The following NKAIN3 variants were observed in gnomAD, a reference collection of about 807,000 sequenced individuals.
NKAIN3 encodes the protein sodium/potassium transporting ATPase interacting 3, also known as sodium/potassium-transporting ATPase subunit beta-1-interacting protein 3.
NKAIN3 carries 25 observed loss-of-function variants against 30.2 expected under a neutral mutation model. The ratio of observed to expected loss-of-function variants is 0.83; its 90% CI spans 0.60 to 1.16. The LOEUF (loss-of-function observed/expected upper bound fraction) is 1.16, where lower values mean the gene tolerates loss of function less well. Among genes scored for constraint, NKAIN3 ranks in the 50% most tolerant of loss-of-function variants. The probability of loss-of-function intolerance (pLI) is 0.00; values close to 1 mark genes in which losing one functional copy is unlikely to be tolerated. For missense variants in NKAIN3, 225 were observed against 254.1 expected, an observed-to-expected ratio of 0.89 and a Z score of 0.78; for synonymous variants, 91 against 89.6, an observed-to-expected ratio of 1.02 and a Z score of -0.09.
At chr8:62,406,915 T>C (rs981313180) in intron 1 of NKAIN3, among the ~76,000 whole-genome samples, 1 of 152,228 alleles carries the variant, frequency 6.6e-6, no homozygotes, top group Non-Finnish European at 1.5e-5. Flanking sequence ...TTTCAAGCAA[T>C]GTTTCAATTT....
At chr8:62,947,004 T>C (rs1051807150) in intron 5 of NKAIN3, among the ~76,000 whole-genome samples, 1 of 152,290 alleles carries the variant, frequency 6.6e-6, no homozygotes, top group African/African-American at 2.4e-5. Context: ...TCACTGGAAA[T>C]GGCAGGTTTT....
intron 1 of NKAIN3, among the ~76,000 whole-genome samples, chr8:62,572,626 T>C (rs1809979671): frequency 6.6e-6 from 1 of 152,200 alleles, no homozygotes; most frequent in African/African-American, 2.4e-5. Flanking sequence ...TAGTTCCACA[T>C]GGCTGGGGAG....
intron 1 of NKAIN3, among the ~76,000 whole-genome samples, chr8:62,335,588 T>C (rs923552488): frequency 1.3e-5 from 2 of 151,930 alleles, no homozygotes; most frequent in African/African-American, 2.4e-5. Flanking sequence ...CTGTAGACCA[T>C]AGGAACAAAT....
Position 62,606,916 on chromosome 8 carries a change from A to G in NKAIN3, c.273+17122A>G, listed in dbSNP as rs559980505. On this transcript the variant is annotated intron_variant, in intron 3 of 6. Coordinates refer to ENST00000623646, the MANE Select transcript of NKAIN3 (RefSeq NM_001304533.3). ...AGATACTGAGACAGTGGGTGTAGTTATTTCCTACATACAATTAATGCTGCA... is the reference window on the plus strand; with the variant it reads ...AGATACTGAGACAGTGGGTGTAGTTGTTTCCTACATACAATTAATGCTGCA... Among the ~76,000 whole-genome samples, 3 of 152,244 alleles carry G rather than the reference A, an allele frequency of 2.0e-5. No homozygotes were observed. The East Asian group carries it at 5.8e-4, about 30-fold the overall frequency.
intron 4 of NKAIN3, among the ~76,000 whole-genome samples, chr8:62,834,157 G>T (rs1216976428): frequency 6.6e-6 from 1 of 151,998 alleles, no homozygotes. Flanking sequence ...AACGAATTAG[G>T]CTTAGAAAGA....
intron 1 of NKAIN3, among the ~76,000 whole-genome samples, chr8:62,404,668 A>C (rs1433469705): frequency 6.6e-6 from 1 of 152,114 alleles, no homozygotes; most frequent in East Asian, 1.9e-4. Flanking sequence ...AAGTCAATTA[A>C]ACTTCTTTCC....
At chr8:62,639,998 T>C (rs898929583) in intron 3 of NKAIN3, among the ~76,000 whole-genome samples, 2 of 152,154 alleles carry the variant, frequency 1.3e-5, no homozygotes, top group African/African-American at 2.4e-5. Flanking sequence ...GTCATAAATT[T>C]AGCCCTTATC....
chr8:62,787,099 C>T (rs1339548436), intron 4 of NKAIN3, among the ~76,000 whole-genome samples: 1 of 152,166 alleles, frequency 6.6e-6, no homozygotes, highest in Non-Finnish European at 1.5e-5. Flanking sequence ...TGAGATGATT[C>T]TGTATCTGTG....
chr8:62,678,898 A>G (rs1813565085), intron 3 of NKAIN3, among the ~76,000 whole-genome samples: 1 of 152,168 alleles, frequency 6.6e-6, no homozygotes, highest in South Asian at 2.1e-4. Flanking sequence ...TCATGTATCT[A>G]GTGAATAAGG....
intron 4 of NKAIN3, among the ~76,000 whole-genome samples, chr8:62,796,789 T>TACACACAC (rs144656283): frequency 0.059 from 8,685 of 146,068 alleles, 680 homozygotes; most frequent in African/African-American, 0.18. Flanking sequence ...GTATCACACA[T>TACACACAC]ACACACACAC....
chr8:62,372,398 C>A (rs1433560580), intron 1 of NKAIN3, among the ~76,000 whole-genome samples: 1 of 151,794 alleles, frequency 6.6e-6, no homozygotes, highest in Non-Finnish European at 1.5e-5. Context: ...TCATTATTTT[C>A]TCTGAATTTT....
At chr8:62,789,410 T>C (rs768720702) in intron 4 of NKAIN3, among the ~76,000 whole-genome samples, 12 of 152,162 alleles carry the variant, frequency 7.9e-5, no homozygotes, top group Non-Finnish European at 1.3e-4. Flanking sequence ...CTGAAGTTGC[T>C]TATCAGCTTA....
intron 3 of NKAIN3, among the ~76,000 whole-genome samples, chr8:62,717,050 A>G (rs564663006): frequency 1.8e-4 from 28 of 152,342 alleles, no homozygotes; most frequent in African/African-American, 6.3e-4. Flanking sequence ...CATAGTTTCA[A>G]TTCTACCTTA....
At chr8:62,689,237 A>G (rs1254877445) in intron 3 of NKAIN3, among the ~76,000 whole-genome samples, 2 of 152,158 alleles carry the variant, frequency 1.3e-5, no homozygotes, top group Non-Finnish European at 2.9e-5. Context: ...CTTGGGTATC[A>G]TCCTTTATAA....
chr8:62,789,099 A>G (rs1406160649), intron 4 of NKAIN3, among the ~76,000 whole-genome samples: 3 of 152,074 alleles, frequency 2.0e-5, no homozygotes, highest in African/African-American at 7.2e-5. Flanking sequence ...TGGGGATGGC[A>G]TTGAATCTCT....
chr8:62,935,695 T>C (rs1822763188), intron 5 of NKAIN3, among the ~76,000 whole-genome samples: 1 of 152,130 alleles, frequency 6.6e-6, no homozygotes, highest in African/African-American at 2.4e-5. Flanking sequence ...AACTAGAATA[T>C]TCATATTTAA....
Position 62,960,735 on chromosome 8 carries a change from G to GCACACACACACACA in NKAIN3, c.604-4610_604-4597dup, listed in dbSNP as rs113227908. Reference sequence around the variant, plus strand: ...AGATTACACAATACGCAGGAAAAAAGCACACACACACACACACACACAAGT... The same window carrying GCACACACACACACA: ...AGATTACACAATACGCAGGAAAAAAGCACACACACACACACACACACACACACACACACACAAGT... On this transcript the variant is annotated intron_variant, in intron 6 of 6. Coordinates refer to ENST00000623646, the MANE Select transcript of NKAIN3 (RefSeq NM_001304533.3). Among the ~76,000 whole-genome samples the GCACACACACACACA allele has an allele frequency of 4.7e-3, 697 of 148,532 alleles. 6 individuals carry two copies. Among genetic ancestry groups the GCACACACACACACA allele is most frequent in the African/African-American group, 0.016 (640 of 40,240 alleles).
chr8:62,684,826 G>A (rs906759193), intron 3 of NKAIN3, among the ~76,000 whole-genome samples: 20 of 152,286 alleles, frequency 1.3e-4, no homozygotes, highest in African/African-American at 4.8e-4. Flanking sequence ...ATGTGCAGAA[G>A]GAAGACCATA....
At chr8:62,258,194 G>A (rs1377195322) in intron 1 of NKAIN3, among the ~76,000 whole-genome samples, 3 of 152,072 alleles carry the variant, frequency 2.0e-5, no homozygotes, top group Non-Finnish European at 4.4e-5. Flanking sequence ...TTAATATTTT[G>A]GCATTAGGAC....
Sources: gnomAD v4.1 joint callset for allele counts (sites outside exome capture counted in the v4.1 genomes callset) on GRCh38, gnomAD v4.1.1 for gene constraint, MANE v1.5 for transcripts, NCBI Gene and HGNC (gene_info 2026-07-23, HGNC 2026-07-21) for gene names.